The following NR1H3 variants were observed in gnomAD, a reference collection of about 807,000 sequenced individuals.
NR1H3 encodes the protein oxysterols receptor LXR-alpha.
In NR1H3, 19 loss-of-function variants were observed where a neutral mutation model predicts 48.1. The ratio of observed to expected loss-of-function variants is 0.40; its 90% CI spans 0.28 to 0.58. NR1H3 has a LOEUF of 0.58. Ranked by LOEUF, NR1H3 falls within the 20% of genes least tolerant of loss-of-function variation. The probability of loss-of-function intolerance (pLI) is 0.50; values close to 1 mark genes in which losing one functional copy is unlikely to be tolerated. For missense variants in NR1H3, 486 were observed against 595.9 expected (o/e 0.82, Z 1.92); for synonymous variants, 232 against 227.3 (o/e 1.02, Z -0.19).
chr11:47,266,242 A>G (rs983351466), intron 7 of NR1H3, among the ~76,000 whole-genome samples: 3 of 151,840 alleles, frequency 2.0e-5, no homozygotes, highest in Admixed American at 6.6e-5. Flanking sequence ...GGTGTGATCA[A>G]TCATGGCTCA....
At chr11:47,259,685 T>C (rs1223921652) in intron 2 of NR1H3, 106 bp from the exon 3 acceptor site, 1 of 1,561,410 alleles carries the variant, frequency 6.4e-7, no homozygotes, top group African/African-American at 1.4e-5. Flanking sequence ...GGGACTTTGC[T>C]GCCCTCTAAG....
At chr11:47,261,860 G>C (rs745598444) in intron 6 of NR1H3, 59 bp from the exon 7 acceptor site, 1 of 1,599,560 alleles carries the variant, frequency 6.3e-7, no homozygotes, top group South Asian at 1.1e-5. Flanking sequence ...CCCTGGAAGA[G>C]GCCATGCTCC....
rs547794872 is a variant in NR1H3 at position 47,268,241 on chromosome 11, A to C, written c.1103-20A>C. 1.4e-5 allele frequency: 22 copies of C among 1,611,244 alleles called. No individual in the cohort carries two copies. In the African/African-American group the frequency reaches 2.4e-4, roughly 18 times the overall value. Reference sequence around the variant, plus strand: ...GGACCCTGGCCAGACCTGCTCCTCAACTCTCTTGGTGACCTATAGACCGGC... The same window carrying C: ...GGACCCTGGCCAGACCTGCTCCTCACCTCTCTTGGTGACCTATAGACCGGC... On this transcript the variant is annotated intron_variant, in intron 8 of 9. Coordinates refer to ENST00000441012, the MANE Select transcript of NR1H3 (RefSeq NM_005693.4).
upstream of NR1H3, chr11:47,257,707 C>A: frequency 1.0e-6 from 1 of 985,488 alleles, no homozygotes; most frequent in East Asian, 1.1e-4. Context: ...GGGAGGCAGT[C>A]CTTTTGCAAG....
chr11:47,260,698 G>T, intron 4 of NR1H3, 23 bp downstream of exon 4: 1 of 1,575,922 alleles, frequency 6.3e-7, no homozygotes, highest in East Asian at 2.3e-5. Flanking sequence ...GGCTGGAGTG[G>T]GGAAGAGGCT....
chr11:47,250,243 CAA>C (rs59908609), intron 1 of NR1H3, among the ~76,000 whole-genome samples: 1 of 151,544 alleles, frequency 6.6e-6, no homozygotes, highest in Non-Finnish European at 1.5e-5. Context: ...CTCCTCTCTA[CAA>C]AAAAAAGTTT....
intron 7 of NR1H3, among the ~76,000 whole-genome samples, chr11:47,262,449 T>A (rs1955998282): frequency 6.6e-6 from 1 of 151,968 alleles, no homozygotes; most frequent in Non-Finnish European, 1.5e-5. Flanking sequence ...TCCTCCTGCC[T>A]CTGACTCCCA....
intron 2 of NR1H3, chr11:47,259,541 T>A: frequency 6.7e-7 from 1 of 1,492,700 alleles, no homozygotes; most frequent in Non-Finnish European, 8.9e-7. Flanking sequence ...ATCTGATCTC[T>A]GAAATGCATA....
upstream of NR1H3, among the ~76,000 whole-genome samples, chr11:47,255,595 T>TTC (rs1183559034): frequency 5.0e-3 from 307 of 61,306 alleles, 2 homozygotes; most frequent in African/African-American, 0.021. Context: ...CTTTCTTTCT[T>TTC]TCTCTCTCTC....
At chr11:47,259,076 C>G in intron 1 of NR1H3, 104 bp from the exon 2 acceptor site, 1 of 1,562,008 alleles carries the variant, frequency 6.4e-7, no homozygotes, top group Non-Finnish European at 8.7e-7. Context: ...TAAATGTTAG[C>G]TGATATTGTT....
chr11:47,260,592 A>G lies in NR1H3; in HGVS notation c.416A>G (p.His139Arg), dbSNP rs1178601771. Residue 139 changes from histidine to arginine, a missense_variant, in exon 4 of 10, where the codon CAC becomes CGC. By Grantham distance (29) the His-to-Arg change is conservative (BLOSUM62 0). Transcript: ENST00000441012. Reference sequence around the variant, plus strand: ...CACTACATCTGCCACAGTGGCGGCCACTGCCCCATGGACACCTACATGCGT... The same window carrying G: ...CACTACATCTGCCACAGTGGCGGCCGCTGCCCCATGGACACCTACATGCGT... ...GAHYICHSGG[H>R]CPMDTYMRRK... 13 of 1,613,838 alleles carry G rather than the reference A, an allele frequency of 8.1e-6. No individual in the cohort carries two copies. The highest frequency in any genetic ancestry group is 1.1e-5 in the Non-Finnish European group (13 of 1,180,042).
At chr11:47,266,374 C>T (rs1403865161) in intron 7 of NR1H3, among the ~76,000 whole-genome samples, 4 of 151,240 alleles carry the variant, frequency 2.6e-5, no homozygotes, top group African/African-American at 9.7e-5. Context: ...CTTGCTCTGT[C>T]GCCCAGGCTG....
intron 9 of NR1H3, 95 bp downstream of exon 9, chr11:47,268,450 C>T: frequency 6.3e-7 from 1 of 1,584,314 alleles, no homozygotes; most frequent in Non-Finnish European, 8.7e-7. Flanking sequence ...TCTCTGACTG[C>T]ATGCTGTGCA....
At chr11:47,259,409 A>C (rs1591107236) in intron 2 of NR1H3, 150 bp downstream of exon 2, 4 of 1,569,266 alleles carry the variant, frequency 2.5e-6, no homozygotes, top group South Asian at 2.3e-5. Context: ...CGCCCAGATC[A>C]CCTCTCCCCT....
Position 47,259,820 on chromosome 11 carries a change from G to A in NR1H3, c.73G>A (p.Ala25Thr), listed in dbSNP as rs757112236. Residue 25 changes from alanine to threonine, a missense_variant, in exon 3 of 10, where the codon GCA becomes ACA. Physicochemically the swap from Ala to Thr is moderately conservative, Grantham distance 58 (BLOSUM62 0). Transcript: ENST00000441012. ...TGCGGTGGAGCTGTGGAAGCCAGGC[G>A]CACAGGATGCAAGCAGCCAGGCCCA... is the stretch of plus-strand genomic sequence containing the variant. Reference protein sequence around the residue: ...DSAVELWKPGAQDASSQAQGG... With the variant: ...DSAVELWKPGTQDASSQAQGG... The A allele has an allele frequency of 9.3e-6, 15 of 1,612,144 alleles. No individual in the cohort carries two copies. The highest frequency in any genetic ancestry group is 5.3e-5 in the African/African-American group (4 of 74,866).
In NR1H3 at chr11:47,268,607, A is replaced by C. The variant is rs1345590073; in HGVS notation, c.1255A>C (p.Ser419Arg). 1 of 1,614,238 alleles carries C rather than the reference A, an allele frequency of 6.2e-7. No individual in the cohort carries two copies. Among genetic ancestry groups the C allele is most frequent in the African/African-American group, 1.3e-5 (1 of 75,072 alleles). Residue 419 changes from serine to arginine, a missense_variant, in exon 10 of 10, where the codon AGC becomes CGC. Physicochemically the swap from Ser to Arg is moderately radical, Grantham distance 110 (BLOSUM62 -1). Transcript: ENST00000441012. ...ACTGGTGAGCCTCCGGACCCTGAGC[A>C]GCGTCCACTCAGAGCAAGTGTTTGC... is the stretch of plus-strand genomic sequence containing the variant. Reference protein sequence around the residue: ...MKLVSLRTLSSVHSEQVFALR... With the variant: ...MKLVSLRTLSRVHSEQVFALR...
upstream of NR1H3, among the ~76,000 whole-genome samples, chr11:47,254,760 C>T (rs749836491): frequency 6.6e-6 from 1 of 152,198 alleles, no homozygotes; most frequent in Non-Finnish European, 1.5e-5. Flanking sequence ...CCTGTTCCCC[C>T]TCTCCCACCC....
chr11:47,252,563 G>A (rs967055596), intron 1 of NR1H3, among the ~76,000 whole-genome samples: 1 of 147,766 alleles, frequency 6.8e-6, no homozygotes, highest in African/African-American at 2.5e-5. Flanking sequence ...CCACCCGGCT[G>A]TTTTTTTTGT....
intron 7 of NR1H3, among the ~76,000 whole-genome samples, chr11:47,262,974 T>G (rs550025420): frequency 2.0e-5 from 3 of 152,274 alleles, no homozygotes; most frequent in African/African-American, 7.2e-5. Context: ...CTCTGTTGCT[T>G]TAGGTCAGTG....
Sources: gnomAD v4.1 joint callset for allele counts (sites outside exome capture counted in the v4.1 genomes callset) on GRCh38, gnomAD v4.1.1 for gene constraint, MANE v1.5 for transcripts, NCBI Gene and HGNC (gene_info 2026-07-23, HGNC 2026-07-21) for gene names.